The following TNFRSF14 variants were observed in gnomAD, a reference collection of about 807,000 sequenced individuals.
TNFRSF14 encodes tumor necrosis factor receptor superfamily member 14.
TNFRSF14 carries 18 observed loss-of-function variants against 34.1 expected under a neutral mutation model. The observed-to-expected ratio is 0.53, with a 90% CI of 0.36 to 0.78. The LOEUF is 0.78. Among genes scored for constraint, TNFRSF14 ranks in the 30% least tolerant of loss-of-function variants. The pLI, the probability that TNFRSF14 is intolerant of heterozygous loss-of-function variation, is 0.00. For synonymous variants in TNFRSF14, 157 were observed against 153.2 expected (o/e 1.02, Z -0.18); for missense variants, 352 against 379.5 (o/e 0.93, Z 0.60).
At chr1:2,562,783 A>G in intron 6 of TNFRSF14, 82 bp from the exon 7 acceptor site, 1 of 1,566,036 alleles carries the variant, frequency 6.4e-7, no homozygotes. Flanking sequence ...TGCCTCCGCC[A>G]CCGCTGTGAG....
chr1:2,559,477 G>A (rs1327706773), intron 3 of TNFRSF14: 1 of 1,441,038 alleles, frequency 6.9e-7, no homozygotes, highest in Non-Finnish European at 9.2e-7. Flanking sequence ...GTGTCTGGGT[G>A]GGCACGTGGG....
At chr1:2,557,493 G>A (rs372625100) in intron 1 of TNFRSF14, among the ~76,000 whole-genome samples, 2 of 152,102 alleles carry the variant, frequency 1.3e-5, no homozygotes, top group South Asian at 2.1e-4. Flanking sequence ...AGGGCTCCGC[G>A]CTGCCAGGCA....
intron 6 of TNFRSF14, 55 bp from the exon 7 acceptor site, chr1:2,562,803 ATGAGCCT>A (rs1425090681): frequency 3.1e-6 from 5 of 1,607,802 alleles, no homozygotes; most frequent in Non-Finnish European, 4.3e-6. Context: ...GACCATTGCC[ATGAGCCT>A]GTGTCCCCTG....
chr1:2,561,890 G>C lies in TNFRSF14; in HGVS notation c.694+75G>C. 6.7e-7 allele frequency: 1 copy of C among 1,495,198 alleles called. No individual in the cohort carries two copies. Among genetic ancestry groups the C allele is most frequent in the Non-Finnish European group, 9.1e-7 (1 of 1,098,618 alleles). The allele number at this position is 1,495,198 out of a possible 1,614,324, so 92.6% of individuals were successfully genotyped here. Reference sequence around the variant, plus strand: ...TTGGAGCTCTGTCACCCCAAGCCTGGGAGGTGGCCCCAGAGCTTTTCCAGG... The same window carrying C: ...TTGGAGCTCTGTCACCCCAAGCCTGCGAGGTGGCCCCAGAGCTTTTCCAGG... On this transcript the variant is annotated intron_variant, in intron 6 of 7. Transcript: ENST00000355716. This position sits in a 1 kb window ranked among gnomAD's most constrained non-coding sequence, Gnocchi z 6.0.
intron 6 of TNFRSF14, chr1:2,562,617 T>C: frequency 1.6e-6 from 1 of 607,510 alleles, no homozygotes; most frequent in Non-Finnish European, 2.9e-6. Flanking sequence ...CTTGGGGGCC[T>C]CAGCTGGGGA....
chr1:2,559,497 T>C, intron 3 of TNFRSF14: 1 of 1,466,978 alleles, frequency 6.8e-7, no homozygotes, highest in Non-Finnish European at 9.1e-7. Flanking sequence ...GGCGAGGACC[T>C]GCCTGCGGGA....
At chr1:2,554,865 AG>A (rs1644191399), upstream of TNFRSF14, 1 of 151,836 alleles carries the variant, frequency 6.6e-6, no homozygotes. This position sits in a 1 kb window ranked among gnomAD's most constrained non-coding sequence, Gnocchi z 4.2. Flanking sequence ...CTGCTCTTGG[AG>A]GTTGGGCGTT....
rs776311751 is a variant in TNFRSF14 at position 2,560,641 on chromosome 1, A to C, written c.478A>C (p.Thr160Pro). 3 of 1,613,162 alleles carry C rather than the reference A, an allele frequency of 1.9e-6. No individual in the cohort carries two copies. Among genetic ancestry groups the C allele is most frequent in the Admixed American group, 1.7e-5 (1 of 59,974 alleles). ...CTTCTCAGGCACCGAGAGTCAGGAC[A>C]CCCTGTGTCAGAACTGCCCCCCGGG... Reference protein sequence around the residue: ...VQKGGTESQDTLCQNCPPGTF... With the variant: ...VQKGGTESQDPLCQNCPPGTF... Residue 160 changes from threonine to proline, a missense_variant, in exon 5 of 8, where the codon ACC (threonine) becomes CCC (proline). Transcript: ENST00000355716.
At chr1:2,556,840 G>A (rs1644223081) in intron 1 of TNFRSF14, 107 bp downstream of exon 1, 4 of 1,208,452 alleles carry the variant, frequency 3.3e-6, no homozygotes, top group East Asian at 5.1e-5. Context: ...TGCTGGCTCC[G>A]GCGTCCAGCC....
intron 5 of TNFRSF14, 82 bp downstream of exon 5, chr1:2,560,796 C>T (rs1644297567): frequency 7.4e-7 from 1 of 1,344,754 alleles, no homozygotes; most frequent in Non-Finnish European, 1.0e-6. Flanking sequence ...ACCGTCTTCT[C>T]CAGCAGAAAG....
Position 2,563,135 on chromosome 1 carries a change from C to T in TNFRSF14, c.727-13C>T, listed in dbSNP as rs200499913. 333 of 1,612,958 alleles carry T rather than the reference C, an allele frequency of 2.1e-4. No individual in the cohort carries two copies. The highest frequency in any genetic ancestry group is 2.7e-4 in the Non-Finnish European group (313 of 1,179,850). ...CTGAGCAGGCAGGGTCTCCACGATTCGTGTGCTCACAGCGGAAAAGACAGG... is the reference window on the plus strand; with the variant it reads ...CTGAGCAGGCAGGGTCTCCACGATTTGTGTGCTCACAGCGGAAAAGACAGG... On this transcript the variant is annotated splice_polypyrimidine_tract_variant and intron_variant, in intron 7 of 7. Coordinates refer to ENST00000355716, the MANE Select transcript of TNFRSF14 (RefSeq NM_003820.4).
rs1557472901 is a variant in TNFRSF14 at position 2,556,381 on chromosome 1, T to C, written c.-284T>C. The C allele has an allele frequency of 4.5e-6, 3 of 666,650 alleles. No homozygotes were observed. The highest frequency in any genetic ancestry group is 5.5e-6 in the Non-Finnish European group (2 of 362,376). 41.3% of individuals were successfully genotyped at this position (666,650 alleles called of 1,614,324 possible). A position where few individuals can be genotyped will look rare whatever the true frequency, so the allele number is the denominator to read the frequency against. On this transcript the variant is annotated 5_prime_UTR_variant, in exon 1 of 8. Transcript: ENST00000355716. The stretch of plus-strand genomic sequence containing the variant: ...TCGGGCGCCTCCTTCATACCGGCCC[T>C]TCCCCTCGGCTTTGCCTGGACAGCT...
rs1381616420 is a variant in TNFRSF14, at chr1:2,558,452, C to T, written c.288C>T (p.Cys96=). 1.9e-6 allele frequency: 3 copies of T among 1,613,260 alleles called. No homozygotes were observed. Among genetic ancestry groups the T allele is most frequent in the Non-Finnish European group, 1.7e-6 (2 of 1,179,832 alleles). Residue 96 remains cysteine (C), a synonymous_variant, in exon 3 of 8, where the codon TGC becomes TGT. Transcript: ENST00000355716. Reference sequence around the variant, plus strand: ...ATGGCCTAAGCAAGTGTCTGCAGTGCCAAATGTGTGACCCAGGTAAGAGGC... The same window carrying T: ...ATGGCCTAAGCAAGTGTCTGCAGTGTCAAATGTGTGACCCAGGTAAGAGGC... ...HLNGLSKCLQ[C]QMCDPAMGLR... is the part of the protein sequence containing the mutation.
rs373085518 is a variant in TNFRSF14 at position 2,563,136 on chromosome 1, G to A, written c.727-12G>A. 6 of 1,613,062 alleles carry A rather than the reference G, an allele frequency of 3.7e-6. No individual in the cohort carries two copies. Among genetic ancestry groups the A allele is most frequent in the African/African-American group, 1.3e-5 (1 of 75,034 alleles). ...TGAGCAGGCAGGGTCTCCACGATTC[G>A]TGTGCTCACAGCGGAAAAGACAGGA... On this transcript the variant is annotated splice_polypyrimidine_tract_variant and intron_variant, in intron 7 of 7. Coordinates refer to ENST00000355716, the MANE Select transcript of TNFRSF14 (RefSeq NM_003820.4).
intron 3 of TNFRSF14, chr1:2,559,563 C>G (rs1644273300): frequency 1.3e-6 from 2 of 1,524,378 alleles, no homozygotes; most frequent in African/African-American, 1.4e-5. Context: ...GGGCAGAAGG[C>G]TGGTTTCTCC....
At chr1:2,562,933 C>T (rs746208035) in intron 7 of TNFRSF14, 37 bp downstream of exon 7, 1 of 1,581,004 alleles carries the variant, frequency 6.3e-7, no homozygotes, top group Non-Finnish European at 8.7e-7. Flanking sequence ...CCCCCCTCCA[C>T]CTTCCCACCT....
At chr1:2,562,411 C>A in intron 6 of TNFRSF14, 1 of 242,520 alleles carries the variant, frequency 4.1e-6, no homozygotes, top group Non-Finnish European at 8.1e-6. Flanking sequence ...TCCAGCCAGG[C>A]GGCAGCAAAG....
intron 7 of TNFRSF14, 94 bp from the exon 8 acceptor site, chr1:2,563,054 C>T: frequency 3.8e-6 from 6 of 1,590,018 alleles, no homozygotes; most frequent in South Asian, 1.1e-5. Flanking sequence ...AAAGAACCCA[C>T]CCCCTCAAAC....
At position 2,560,685 on chromosome 1, in the gene TNFRSF14, G is replaced by A. The variant is rs779263845; in HGVS notation, c.522G>A (p.Gly174=). ...CCCCGGGGACCTTCTCTCCCAATGG[G>A]ACCCTGGAGGAATGTCAGCACCAGA... ...NCPPGTFSPN[G]TLEECQHQTK... is the part of the protein sequence containing the mutation. Residue 174 remains glycine (G), a synonymous_variant, in exon 5 of 8, where the codon GGG becomes GGA. Coordinates refer to ENST00000355716, the MANE Select transcript of TNFRSF14 (RefSeq NM_003820.4). 30 of 1,613,352 alleles carry A rather than the reference G, an allele frequency of 1.9e-5. No individual in the cohort carries two copies. The highest frequency in any genetic ancestry group is 3.3e-5 in the Admixed American group (2 of 59,990).
Sources: allele counts gnomAD v4.1 joint callset (sites outside exome capture counted in the v4.1 genomes callset), GRCh38; gene constraint gnomAD v4.1.1; non-coding constraint Gnocchi (gnomAD v3.1); transcripts MANE v1.5; gene names NCBI Gene and HGNC (gene_info 2026-07-23, HGNC 2026-07-21).